The following AP2A2 variants were observed in gnomAD, a reference collection of about 807,000 sequenced individuals.
AP2A2 encodes the protein AP-2 complex subunit alpha-2.
AP2A2 carries 32 observed loss-of-function variants against 104.2 expected under a neutral mutation model. That is an observed-to-expected ratio of 0.31 (90% CI 0.23 to 0.41). AP2A2 has a LOEUF of 0.41. Ranked by LOEUF, AP2A2 falls within the 10% of genes least tolerant of loss-of-function variation. AP2A2 has a pLI of 1.00. For missense variants in AP2A2, 912 were observed against 1,261.0 expected (o/e 0.72, Z 4.19); for synonymous variants, 539 against 533.3 (o/e 1.01, Z -0.15).
chr11:1,003,418 C>T (rs1456748596), intron 15 of AP2A2, among the ~76,000 whole-genome samples: 2 of 152,220 alleles, frequency 1.3e-5, no homozygotes, highest in East Asian at 1.9e-4. Context: ...GCCTCACGCC[C>T]GTGTCCCTTC....
Position 976,959 on chromosome 11 carries a change from C to A in AP2A2, c.474-136C>A. 2.5e-6 allele frequency: 3 copies of A among 1,202,818 alleles called. No individual in the cohort carries two copies. The South Asian group carries it at 4.4e-5, about 18-fold the overall frequency. 74.5% of individuals were successfully genotyped at this position (1,202,818 alleles called of 1,614,324 possible). ...GCTGCTGCCCCCTAGGCGGCCTCGGCAGGCGGCCCTGAGTGCTGTCTTGGC... is the reference window on the plus strand; with the variant it reads ...GCTGCTGCCCCCTAGGCGGCCTCGGAAGGCGGCCCTGAGTGCTGTCTTGGC... On this transcript the variant is annotated intron_variant, in intron 4 of 21. Coordinates refer to ENST00000448903, the MANE Select transcript of AP2A2 (RefSeq NM_012305.4).
At chr11:940,399 T>A (rs1853606102) in intron 1 of AP2A2, among the ~76,000 whole-genome samples, 1 of 152,256 alleles carries the variant, frequency 6.6e-6, no homozygotes, top group Admixed American at 6.5e-5. Context: ...ACTTTCTCTT[T>A]TCTCTGTATT....
In AP2A2 at chr11:981,178, G is replaced by GT. The variant is rs768582347; in HGVS notation, c.604-19dup. On this transcript the variant is annotated intron_variant, in intron 5 of 21. Coordinates refer to ENST00000448903, the MANE Select transcript of AP2A2 (RefSeq NM_012305.4). ...GTTAGCTTCAAGTGTTCTGACTCTT[G>GT]TGTGTGTGTTTTCTTTCAGGGTGTG... is the stretch of plus-strand genomic sequence containing the variant. 14 of 1,584,104 alleles carry GT rather than the reference G, an allele frequency of 8.8e-6. No individual in the cohort carries two copies. Among genetic ancestry groups the GT allele is most frequent in the Non-Finnish European group, 1.2e-5 (14 of 1,158,496 alleles).
chr11:999,740 C>T (rs1366922925), intron 14 of AP2A2, among the ~76,000 whole-genome samples: 3 of 151,612 alleles, frequency 2.0e-5, no homozygotes, highest in Non-Finnish European at 4.4e-5. Flanking sequence ...TTTGCTTTTT[C>T]ATCTTTGGAA....
At chr11:998,528 T>C (rs1443891742) in intron 14 of AP2A2, among the ~76,000 whole-genome samples, 1 of 152,088 alleles carries the variant, frequency 6.6e-6, no homozygotes, top group African/African-American at 2.4e-5. Context: ...TACAAACTAA[T>C]TTTTTACCTT....
At chr11:949,900 T>C (rs10902243) in intron 1 of AP2A2, among the ~76,000 whole-genome samples, 77,172 of 151,972 alleles carry the variant, frequency 0.51, 20,208 homozygotes, top group Middle Eastern at 0.66. Context: ...CCATAAAGGA[T>C]GAAAAAATGC....
Position 1,010,619 on chromosome 11 carries a change from G to A in AP2A2, c.2814G>A (p.Gln938=). The A allele has an allele frequency of 2.5e-6, 4 of 1,593,210 alleles. No homozygotes were observed. Among genetic ancestry groups the A allele is most frequent in the Non-Finnish European group, 3.4e-6 (4 of 1,169,700 alleles). Residue 938 remains glutamine, a synonymous_variant, in exon 22 of 22, where the codon CAG becomes CAA. Transcript: ENST00000448903. ...SQRLCELLSA[Q]F Reference sequence around the variant, plus strand: ...GATTATGTGAATTGCTCTCAGCGCAGTTTTAGTCCTGAGGATGGAAGACCA... The same window carrying A: ...GATTATGTGAATTGCTCTCAGCGCAATTTTAGTCCTGAGGATGGAAGACCA...
intron 14 of AP2A2, among the ~76,000 whole-genome samples, chr11:999,796 GTTCT>G (rs1481693658): frequency 1.4e-5 from 2 of 147,926 alleles, no homozygotes; most frequent in African/African-American, 2.5e-5. Context: ...CATGATCTTA[GTTCT>G]TTCTTTTTTT....
At chr11:944,828 C>A (rs1291422259) in intron 1 of AP2A2, among the ~76,000 whole-genome samples, 1 of 129,082 alleles carries the variant, frequency 7.7e-6, no homozygotes, top group Non-Finnish European at 1.5e-5. Context: ...CAGCAGGAGG[C>A]GCATGTGGCT....
At chr11:940,686 G>T (rs775466188) in intron 1 of AP2A2, 11 of 385,226 alleles carry the variant, frequency 2.9e-5, no homozygotes, top group Non-Finnish European at 5.1e-5. Context: ...AATGCCTTTT[G>T]TGTAGGTTTG....
chr11:939,024 C>T (rs900301258), intron 1 of AP2A2, among the ~76,000 whole-genome samples: 4 of 151,626 alleles, frequency 2.6e-5, no homozygotes, highest in African/African-American at 7.3e-5. Flanking sequence ...GAGGCCGAGG[C>T]GGGTGGATCA....
At chr11:983,656 T>A (rs187882953) in intron 6 of AP2A2, among the ~76,000 whole-genome samples, 1 of 152,216 alleles carries the variant, frequency 6.6e-6, no homozygotes, top group Non-Finnish European at 1.5e-5. Context: ...GTGCTGGGAT[T>A]ACAGGCGGGA....
In AP2A2 at chr11:1,010,719, A is replaced by G. The variant is rs927034825; in HGVS notation, c.*94A>G. On this transcript the variant is annotated 3_prime_UTR_variant, in exon 22 of 22. Coordinates refer to ENST00000448903, the MANE Select transcript of AP2A2 (RefSeq NM_012305.4). The stretch of plus-strand genomic sequence containing the variant: ...CATCCTGCAGATGAGCACCGTGTCC[A>G]GTGCCACAGCACAAGGCGCCTCCCC... The G allele has an allele frequency of 2.8e-6, 3 of 1,069,862 alleles. No individual in the cohort carries two copies. Among genetic ancestry groups the G allele is most frequent in the Non-Finnish European group, 4.2e-6 (3 of 710,780 alleles). 66.3% of individuals were successfully genotyped at this position (1,069,862 alleles called of 1,614,324 possible).
In AP2A2 at chr11:992,514, C is replaced by T. The variant is rs369879684; in HGVS notation, c.1281C>T (p.Val427=). The T allele has an allele frequency of 1.7e-4, 278 of 1,592,360 alleles. No homozygotes were observed. The highest frequency in any genetic ancestry group is 2.1e-4 in the Non-Finnish European group (248 of 1,169,724). The change falls in exon 11 of 22, where the codon GTC becomes GTT. Residue 427 remains valine, a synonymous_variant. Coordinates refer to ENST00000448903, the MANE Select transcript of AP2A2 (RefSeq NM_012305.4). This position sits in a 1 kb window ranked among gnomAD's most constrained non-coding sequence, Gnocchi z 6.4. ...CCTGTCCCCCACAGGTGCTGAAGGT[C>T]GCCATCCTGGCTGAGAAGTACGCGG... ...YSIREEIVLK[V]AILAEKYAVD...
intron 1 of AP2A2, chr11:946,963 T>TG (rs1178190827): frequency 6.6e-6 from 1 of 151,404 alleles, no homozygotes; most frequent in Non-Finnish European, 1.5e-5. Flanking sequence ...TAAAAGACAA[T>TG]GTAAGTGCAC....
chr11:1,007,459 C>T (rs775319431), intron 17 of AP2A2: 1 of 156,156 alleles, frequency 6.4e-6, no homozygotes, highest in Non-Finnish European at 1.4e-5. Context: ...AGCCCAGCAG[C>T]TGAGTGGCCG....
At chr11:970,023 T>C in intron 2 of AP2A2, 146 bp from the exon 3 acceptor site, 2 of 746,126 alleles carry the variant, frequency 2.7e-6, no homozygotes, top group Non-Finnish European at 4.6e-6. Flanking sequence ...CTCAGCAGCG[T>C]CTGCACTGCA....
intron 2 of AP2A2, among the ~76,000 whole-genome samples, chr11:963,479 T>C (rs923694518): frequency 6.6e-6 from 1 of 152,176 alleles, no homozygotes; most frequent in African/African-American, 2.4e-5. Context: ...TACCAGGTCT[T>C]TGAAGTCTGG....
chr11:976,710 A>C (rs1346962296), intron 4 of AP2A2, among the ~76,000 whole-genome samples: 1 of 151,244 alleles, frequency 6.6e-6, no homozygotes, highest in Non-Finnish European at 1.5e-5. Context: ...GGCGTGGGGC[A>C]GGGGAAGATC....
Sources: gnomAD v4.1 joint callset for allele counts (sites outside exome capture counted in the v4.1 genomes callset) on GRCh38, gnomAD v4.1.1 for gene constraint, Gnocchi (gnomAD v3.1) non-coding constraint, MANE v1.5 for transcripts, NCBI Gene and HGNC (gene_info 2026-07-23, HGNC 2026-07-21) for gene names.